The following GRIN3B variants were observed in gnomAD, a reference collection of about 807,000 sequenced individuals.
GRIN3B encodes glutamate receptor ionotropic, NMDA 3B.
A neutral mutation model predicts 66.0 loss-of-function variants in GRIN3B; 77 were observed. The observed-to-expected ratio is 1.17, with a 90% confidence interval of 0.97 to 1.41. GRIN3B has a LOEUF of 1.41. Ranked by LOEUF, GRIN3B falls within the 40% of genes most tolerant of loss-of-function variation. The pLI is 0.00. For missense variants in GRIN3B, 1,787 were observed against 1,564.5 expected (o/e 1.14, Z -2.40); for synonymous variants, 823 against 749.7 (o/e 1.10, Z -1.60).
At position 1,004,808 on chromosome 19, in the gene GRIN3B, A is replaced by G; in HGVS notation, c.1307A>G (p.Asp436Gly). ...PFVFARDPDE[D>G]GQCPAGQLCL... is the part of the protein sequence containing the mutation. ...GTGTTTGCCCGTGATCCAGACGAAG[A>G]CGGGCAGTGCCCAGCGGGGCAGCTG... Residue 436 changes from aspartate to glycine, a missense_variant, in exon 3 of 9, where the codon GAC becomes GGC. By Grantham distance (94) the Asp-to-Gly change is moderately conservative. Transcript: ENST00000234389. 1 of 1,612,816 alleles carries G rather than the reference A, an allele frequency of 6.2e-7. No individual in the cohort carries two copies. Among genetic ancestry groups the G allele is most frequent in the Non-Finnish European group, 8.5e-7 (1 of 1,179,550 alleles).
chr19:1,003,741 T>G lies in GRIN3B; in HGVS notation c.1019+19T>G. The stretch of plus-strand genomic sequence containing the variant: ...TGGCACGGTGAGTGGGGACCCTGCT[T>G]CCCTTAGGAGGGTGTCCAGGCCACT... On this transcript the variant is annotated intron_variant, in intron 2 of 8. Coordinates refer to ENST00000234389, the MANE Select transcript of GRIN3B (RefSeq NM_138690.3). 1 of 1,387,212 alleles carries G rather than the reference T, an allele frequency of 7.2e-7. No homozygotes were observed. Among genetic ancestry groups the G allele is most frequent in the Non-Finnish European group, 9.3e-7 (1 of 1,072,632 alleles). 85.9% of individuals were successfully genotyped at this position (1,387,212 alleles called of 1,614,324 possible). A position where few individuals can be genotyped will look rare whatever the true frequency, so the allele number is the denominator to read the frequency against.
chr19:1,003,318 A>G lies in GRIN3B; in HGVS notation c.615A>G (p.Leu205=), dbSNP rs763776879. ...AGRPPQLVLD[L]SRRDTGDAGL... ...GGCCCCCACAGCTGGTCCTGGACCTAAGCCGGCGGGACACGGGAGATGCAG... is the reference window on the plus strand; with the variant it reads ...GGCCCCCACAGCTGGTCCTGGACCTGAGCCGGCGGGACACGGGAGATGCAG... Residue 205 remains leucine (L), a synonymous_variant, in exon 2 of 9, where the codon CTA becomes CTG. Coordinates refer to ENST00000234389, the MANE Select transcript of GRIN3B (RefSeq NM_138690.3). 5.1e-6 allele frequency: 8 copies of G among 1,574,108 alleles called. No individual in the cohort carries two copies. The highest frequency in any genetic ancestry group is 2.3e-5 in the East Asian group (1 of 43,032).
At position 1,009,597 on chromosome 19, in the gene GRIN3B, G is replaced by T; in HGVS notation, c.3127G>T (p.Glu1043Ter). The change falls in exon 9 of 9, where the codon GAA (glutamate) becomes TAA (stop). Residue 1043 changes from glutamate (E) to a stop codon, truncating the protein, a stop_gained. Transcript: ENST00000234389. LOFTEE classifies it high-confidence loss of function. ...ACACTCTGGCCGACCGGGGAGCCAG[G>T]AATGAGGCGGCAGCCGGGCCGTTTG... ...PPHSGRPGSQ[E>*] The T allele has an allele frequency of 1.4e-6, 2 of 1,432,670 alleles. No individual in the cohort carries two copies. The highest frequency in any genetic ancestry group is 1.8e-6 in the Non-Finnish European group (2 of 1,098,558). 88.7% of individuals were successfully genotyped at this position (1,432,670 alleles called of 1,614,324 possible). A position where few individuals can be genotyped will look rare whatever the true frequency, so the allele number is the denominator to read the frequency against.
Position 1,009,471 on chromosome 19 carries a change from C to T in GRIN3B, c.3001C>T (p.Leu1001=). The T allele has an allele frequency of 1.3e-6, 2 of 1,484,444 alleles. No homozygotes were observed. The highest frequency in any genetic ancestry group is 1.8e-6 in the Non-Finnish European group (2 of 1,124,204). The allele number at this position is 1,484,444 out of a possible 1,614,324, so 92.0% of individuals were successfully genotyped here. A position where few individuals can be genotyped will look rare whatever the true frequency, so the allele number is the denominator to read the frequency against. The change falls in exon 9 of 9, where the codon CTG becomes TTG. Residue 1001 remains leucine, a synonymous_variant. Transcript: ENST00000234389. ...CGCGCGTGAGCGGCTCCGCCAGGCC[C>T]TGGTGCGGCGCGGCCAGCTCCTGGC... ...EVARERLRQA[L]VRRGQLLAQL... is the part of the protein sequence containing the mutation.
rs2145535625 is a variant in GRIN3B at position 1,004,871 on chromosome 19, A to C, written c.1370A>C (p.Asp457Ala). The change falls in exon 3 of 9, where the codon GAC becomes GCC. Residue 457 changes from aspartate to alanine, a missense_variant. Coordinates refer to ENST00000234389, the MANE Select transcript of GRIN3B (RefSeq NM_138690.3). The stretch of plus-strand genomic sequence containing the variant: ...GGCACCAACGACTCGGCCACCCTGG[A>C]CGCACTGTTCGCCGCGCTGGCCAAC... ...DPGTNDSATL[D>A]ALFAALANGS... The C allele has an allele frequency of 1.9e-6, 3 of 1,610,504 alleles. No homozygotes were observed. The East Asian group carries it at 6.7e-5, about 36-fold the overall frequency.
In GRIN3B at chr19:1,003,431, C is replaced by T; in HGVS notation, c.728C>T (p.Ala243Val). ...GCGGTCCTCCTCGGCTGTGACATCG[C>T]CCGTGCCCGTCGGGTGCTGGAGGCC... ...PAAVLLGCDI[A>V]RARRVLEAVP... is the part of the protein sequence containing the mutation. The change falls in exon 2 of 9, where the codon GCC (alanine) becomes GTC (valine). Residue 243 changes from alanine (A) to valine (V), a missense_variant. By Grantham distance (64) the Ala-to-Val change is moderately conservative (BLOSUM62 0). Transcript: ENST00000234389. 1 of 1,542,816 alleles carries T rather than the reference C, an allele frequency of 6.5e-7. No homozygotes were observed. Among genetic ancestry groups the T allele is most frequent in the Non-Finnish European group, 8.7e-7 (1 of 1,149,232 alleles).
chr19:1,008,100 C>A, intron 5 of GRIN3B, 40 bp from the exon 6 acceptor site: 8 of 1,570,162 alleles, frequency 5.1e-6, no homozygotes, highest in Non-Finnish European at 6.9e-6. Context: ...TCCCCTGGGG[C>A]TGTCCCACCT....
rs1015983238 is a variant in GRIN3B at position 1,007,399 on chromosome 19, C to T, written c.2053-229C>T. On this transcript the variant is annotated intron_variant, in intron 3 of 8. Transcript: ENST00000234389. The surrounding 1 kb of genome is among the most constrained non-coding windows in gnomAD (Gnocchi z 4.4). ...GCGTTTAGAACAGAGGGTCTCCACC[C>T]GGGGTGATCCTGCCCCCCGCCCCAG... 9.2e-5 allele frequency among the ~76,000 whole-genome samples: 14 copies of T among 151,940 alleles called. No individual in the cohort carries two copies. The highest frequency in any genetic ancestry group is 1.6e-4 in the Non-Finnish European group (11 of 67,936).
chr19:1,004,823 C>G lies in GRIN3B; in HGVS notation c.1322C>G (p.Ala441Gly). 6.2e-7 allele frequency: 1 copy of G among 1,612,646 alleles called. No homozygotes were observed. Among genetic ancestry groups the G allele is most frequent in the Non-Finnish European group, 8.5e-7 (1 of 1,179,492 alleles). ...CCAGACGAAGACGGGCAGTGCCCAG[C>G]GGGGCAGCTGTGCCTGGACCCTGGC... Reference protein sequence around the residue: ...RDPDEDGQCPAGQLCLDPGTN... With the variant: ...RDPDEDGQCPGGQLCLDPGTN... Residue 441 changes from alanine (A) to glycine (G), a missense_variant, in exon 3 of 9, where the codon GCG becomes GGG. Coordinates refer to ENST00000234389, the MANE Select transcript of GRIN3B (RefSeq NM_138690.3).
chr19:1,000,889 C>A, intron 1 of GRIN3B, 26 bp downstream of exon 1: 1 of 1,360,124 alleles, frequency 7.4e-7, no homozygotes, highest in Non-Finnish European at 9.4e-7. Flanking sequence ...GGAGTCAGGA[C>A]GAGGGGGACC....
rs749432056 is a variant in GRIN3B, at chr19:1,009,453, G to A, written c.2983G>A (p.Glu995Lys). ...GGAGCGCCGCATCGAAGTCGCGCGT[G>A]AGCGGCTCCGCCAGGCCCTGGTGCG... Reference protein sequence around the residue: ...ELERRIEVARERLRQALVRRG... With the variant: ...ELERRIEVARKRLRQALVRRG... The change falls in exon 9 of 9, where the codon GAG becomes AAG. Residue 995 changes from glutamate (E) to lysine (K), a missense_variant. Glu to Lys is a moderately conservative substitution (Grantham distance 56). Transcript: ENST00000234389. 2.0e-6 allele frequency: 3 copies of A among 1,475,056 alleles called. No homozygotes were observed. The highest frequency in any genetic ancestry group is 2.7e-6 in the Non-Finnish European group (3 of 1,119,434). 91.4% of individuals were successfully genotyped at this position (1,475,056 alleles called of 1,614,324 possible). A position where few individuals can be genotyped will look rare whatever the true frequency, so the allele number is the denominator to read the frequency against.
chr19:1,009,399 G>C lies in GRIN3B; in HGVS notation c.2929G>C (p.Ala977Pro). 4.9e-6 allele frequency: 7 copies of C among 1,416,528 alleles called. No homozygotes were observed. The highest frequency in any genetic ancestry group is 3.2e-5 in the Admixed American group (1 of 31,426). 87.7% of individuals were successfully genotyped at this position (1,416,528 alleles called of 1,614,324 possible). The change falls in exon 9 of 9, where the codon GCC becomes CCC. Residue 977 changes from alanine to proline, a missense_variant. Ala to Pro is a conservative substitution (Grantham distance 27). Transcript: ENST00000234389. ...GRPPAARPTG[A>P]PQPGELQELE... ...CCCGCCCGCCGCAAGGCCCACGGGGGCCCCCCAGCCCGGGGAGCTGCAGGA... is the reference window on the plus strand; with the variant it reads ...CCCGCCCGCCGCAAGGCCCACGGGGCCCCCCCAGCCCGGGGAGCTGCAGGA...
rs1315771546 is a variant in GRIN3B at position 1,009,170 on chromosome 19, C to T, written c.2703-3C>T. On this transcript the variant is annotated splice_region_variant and splice_polypyrimidine_tract_variant and intron_variant, in intron 8 of 8. Coordinates refer to ENST00000234389, the MANE Select transcript of GRIN3B (RefSeq NM_138690.3). ...ACACTGACCAGGCCGGTTCCGTCCCCAGCGGCCCCGAGGTGGAGCAGCAGC... is the reference window on the plus strand; with the variant it reads ...ACACTGACCAGGCCGGTTCCGTCCCTAGCGGCCCCGAGGTGGAGCAGCAGC... 1.4e-6 allele frequency: 2 copies of T among 1,465,052 alleles called. No individual in the cohort carries two copies. Among genetic ancestry groups the T allele is most frequent in the East Asian group, 2.6e-5 (1 of 38,046 alleles). 90.8% of individuals were successfully genotyped at this position (1,465,052 alleles called of 1,614,324 possible). A position where few individuals can be genotyped will look rare whatever the true frequency, so the allele number is the denominator to read the frequency against.
Position 1,009,291 on chromosome 19 carries a change from G to A in GRIN3B, c.2821G>A (p.Ala941Thr), listed in dbSNP as rs1311231682. The change falls in exon 9 of 9, where the codon GCC (alanine) becomes ACC (threonine). Residue 941 changes from alanine (A) to threonine (T), a missense_variant. Coordinates refer to ENST00000234389, the MANE Select transcript of GRIN3B (RefSeq NM_138690.3). ...ERRVRFLLEP[A>T]VVVAPEADAE... Reference sequence around the variant, plus strand: ...CCGCGTGCGCTTCCTGCTGGAGCCCGCCGTGGTTGTGGCACCCGAAGCGGA... The same window carrying A: ...CCGCGTGCGCTTCCTGCTGGAGCCCACCGTGGTTGTGGCACCCGAAGCGGA... 3.5e-6 allele frequency: 5 copies of A among 1,411,012 alleles called. No homozygotes were observed. Among genetic ancestry groups the A allele is most frequent in the South Asian group, 3.0e-5 (2 of 66,008 alleles). 87.4% of individuals were successfully genotyped at this position (1,411,012 alleles called of 1,614,324 possible).
chr19:1,006,594 C>T (rs1266581886), intron 3 of GRIN3B, among the ~76,000 whole-genome samples: 4 of 152,152 alleles, frequency 2.6e-5, no homozygotes, highest in African/African-American at 4.8e-5. Context: ...CGTGAGCCAT[C>T]GTGCCCGGCC....
intron 1 of GRIN3B, among the ~76,000 whole-genome samples, chr19:1,001,088 C>T (rs1025339464): frequency 1.3e-5 from 2 of 152,044 alleles, no homozygotes; most frequent in Non-Finnish European, 2.9e-5. Flanking sequence ...GGGACCTAGA[C>T]GCGGGGTTGA....
rs751818106 is a variant in GRIN3B, at chr19:1,003,395, C to T, written c.692C>T (p.Pro231Leu). Residue 231 changes from proline to leucine, a missense_variant, in exon 2 of 9, where the codon CCG becomes CTG. By Grantham distance (98) the Pro-to-Leu change is moderately conservative. Transcript: ENST00000234389. ...PMAAPVGGEAPVPAAVLLGCD... is the reference protein window; with the variant it reads ...PMAAPVGGEALVPAAVLLGCD... Reference sequence around the variant, plus strand: ...GCGGCGCCAGTGGGGGGTGAAGCACCGGTACCCGCGGCGGTCCTCCTCGGC... The same window carrying T: ...GCGGCGCCAGTGGGGGGTGAAGCACTGGTACCCGCGGCGGTCCTCCTCGGC... 71 of 1,556,608 alleles carry T rather than the reference C, an allele frequency of 4.6e-5. No individual in the cohort carries two copies. The highest frequency in any genetic ancestry group is 1.2e-4 in the East Asian group (5 of 42,474).
chr19:1,005,573 T>C lies in GRIN3B; in HGVS notation c.2052+20T>C. On this transcript the variant is annotated intron_variant, in intron 3 of 8. Transcript: ENST00000234389. The surrounding 1 kb of genome is among the most constrained non-coding windows in gnomAD (Gnocchi z 5.2). Reference sequence around the variant, plus strand: ...CCCAAGGTGGGCGGCCTCGGGGGGCTGCGGGTGGCCTTGGGGGGCTAGCGG... The same window carrying C: ...CCCAAGGTGGGCGGCCTCGGGGGGCCGCGGGTGGCCTTGGGGGGCTAGCGG... 1.3e-6 allele frequency: 2 copies of C among 1,537,434 alleles called. No homozygotes were observed. The highest frequency in any genetic ancestry group is 1.8e-6 in the Non-Finnish European group (2 of 1,139,180).
chr19:1,003,713 T>G lies in GRIN3B; in HGVS notation c.1010T>G (p.Phe337Cys). Reference protein sequence around the residue: ...QPAGPESPGRFLARFLANTSF... With the variant: ...QPAGPESPGRCLARFLANTSF... ...GCCGGGCCCGAGTCCCCGGGGCGCT[T>G]CTTGGCACGGTGAGTGGGGACCCTG... The change falls in exon 2 of 9, where the codon TTC becomes TGC. Residue 337 changes from phenylalanine (F) to cysteine (C), a missense_variant. Phe to Cys is a radical substitution (Grantham distance 205). Coordinates refer to ENST00000234389, the MANE Select transcript of GRIN3B (RefSeq NM_138690.3). 7.1e-7 allele frequency: 1 copy of G among 1,401,732 alleles called. No homozygotes were observed. Among genetic ancestry groups the G allele is most frequent in the Non-Finnish European group, 9.2e-7 (1 of 1,084,392 alleles). 86.8% of individuals were successfully genotyped at this position (1,401,732 alleles called of 1,614,324 possible).
Sources: allele counts gnomAD v4.1 joint callset (sites outside exome capture counted in the v4.1 genomes callset), GRCh38; gene constraint gnomAD v4.1.1; non-coding constraint Gnocchi (gnomAD v3.1); transcripts MANE v1.5; gene names NCBI Gene and HGNC (gene_info 2026-07-23, HGNC 2026-07-21).